The following SNX29 variants were observed in gnomAD, a reference collection of about 807,000 sequenced individuals.
SNX29 encodes the protein sorting nexin 29, also known as sorting nexin-29.
A neutral mutation model predicts 102.1 loss-of-function variants in SNX29; 78 were observed. That is an observed-to-expected ratio of 0.76 (90% CI 0.64 to 0.92). The LOEUF is 0.92. Ranked by LOEUF, SNX29 falls within the 40% of genes least tolerant of loss-of-function variation. The pLI, the probability that SNX29 is intolerant of heterozygous loss-of-function variation, is 0.00. For synonymous variants in SNX29, 580 were observed against 414.5 expected, an observed-to-expected ratio of 1.40 and a Z score of -4.85; for missense variants, 1,280 against 1,061.7, an observed-to-expected ratio of 1.21 and a Z score of -2.86.
chr16:12,457,956 G>T (rs769633321), intron 18 of SNX29, among the ~76,000 whole-genome samples: 6 of 152,206 alleles, frequency 3.9e-5, no homozygotes, highest in Non-Finnish European at 8.8e-5. Context: ...GGTGCAGAGA[G>T]TGTGCCTATC....
chr16:12,005,735 C>G (rs2056430415), intron 3 of SNX29, among the ~76,000 whole-genome samples: 1 of 152,110 alleles, frequency 6.6e-6, no homozygotes, highest in African/African-American at 2.4e-5. Flanking sequence ...CTCCAAAATT[C>G]AAAACTTTTT....
At chr16:12,392,277 T>C (rs1331618262) in intron 16 of SNX29, among the ~76,000 whole-genome samples, 1 of 152,240 alleles carries the variant, frequency 6.6e-6, no homozygotes, top group Non-Finnish European at 1.5e-5. Flanking sequence ...GTTTCCAGGC[T>C]TTTATTACCC....
intron 14 of SNX29, among the ~76,000 whole-genome samples, chr16:12,276,817 A>T (rs1381426730): frequency 6.6e-6 from 1 of 152,158 alleles, no homozygotes; most frequent in East Asian, 1.9e-4. Flanking sequence ...ATGGGCATAT[A>T]CATAATCATG....
intron 3 of SNX29, among the ~76,000 whole-genome samples, chr16:12,009,525 G>A (rs1161063091): frequency 6.6e-6 from 1 of 151,942 alleles, no homozygotes; most frequent in Non-Finnish European, 1.5e-5. Context: ...CGGACACCGT[G>A]AGATGCTGCC....
At chr16:12,450,843 A>T (rs541758162) in intron 18 of SNX29, among the ~76,000 whole-genome samples, 21 of 152,130 alleles carry the variant, frequency 1.4e-4, no homozygotes, top group Non-Finnish European at 2.8e-4. Context: ...CCTGGCAAGT[A>T]CAGCTGATGA....
intron 1 of SNX29, among the ~76,000 whole-genome samples, chr16:11,996,076 GAGTT>G (rs1018095450): frequency 1.0e-4 from 15 of 150,248 alleles, no homozygotes; most frequent in Non-Finnish European, 1.3e-4. Flanking sequence ...AAAAAAAAAA[GAGTT>G]AGGCCCCATC....
At chr16:12,262,256 C>T (rs563082772) in intron 14 of SNX29, among the ~76,000 whole-genome samples, 1 of 152,318 alleles carries the variant, frequency 6.6e-6, no homozygotes, top group Non-Finnish European at 1.5e-5. Context: ...GAAATTGACT[C>T]AAAGTCTTCC....
chr16:12,460,536 C>T (rs1288071737), intron 18 of SNX29, among the ~76,000 whole-genome samples: 1 of 152,174 alleles, frequency 6.6e-6, no homozygotes, highest in Non-Finnish European at 1.5e-5. Context: ...ATCACCTCCT[C>T]CAGGAAACTG....
rs542877588 is a variant in SNX29, at chr16:12,571,593, A to G, written c.*2964A>G. The G allele has an allele frequency of 4.1e-5, 43 of 1,056,680 alleles. No individual in the cohort carries two copies. In the African/African-American group the frequency reaches 7.1e-4, roughly 17 times the overall value. 65.5% of individuals were successfully genotyped at this position (1,056,680 alleles called of 1,614,324 possible). A position where few individuals can be genotyped will look rare whatever the true frequency, so the allele number is the denominator to read the frequency against. On this transcript the variant is annotated 3_prime_UTR_variant, in exon 21 of 21. Coordinates refer to ENST00000566228, the MANE Select transcript of SNX29 (RefSeq NM_032167.5). ...CTGTCTTCATGGCCTGCTGTGCTGA[A>G]ACAGAACAGCAGGTTCCATCTTTCA...
At chr16:12,218,540 C>T (rs2077386394) in intron 14 of SNX29, among the ~76,000 whole-genome samples, 1 of 152,146 alleles carries the variant, frequency 6.6e-6, no homozygotes, top group Admixed American at 6.5e-5. Flanking sequence ...CCTGCAAACC[C>T]CAAAATATTT....
At chr16:12,171,982 G>C (rs1394493952) in intron 13 of SNX29, among the ~76,000 whole-genome samples, 1 of 152,176 alleles carries the variant, frequency 6.6e-6, no homozygotes. Context: ...AGAATTCTGA[G>C]ATTGCCAGCA....
intron 14 of SNX29, among the ~76,000 whole-genome samples, chr16:12,212,891 A>G (rs1317076466): frequency 1.3e-5 from 2 of 152,198 alleles, no homozygotes; most frequent in Non-Finnish European, 2.9e-5. Context: ...AGGTGGTTGA[A>G]TCACCTGCGG....
chr16:12,261,712 G>C (rs868211916), intron 14 of SNX29, among the ~76,000 whole-genome samples: 1 of 116,000 alleles, frequency 8.6e-6, no homozygotes, highest in South Asian at 3.2e-4. Flanking sequence ...GGGTCTGTGC[G>C]TGCGTCCCCG....
chr16:12,354,348 TCC>T (rs2082072361), intron 15 of SNX29, among the ~76,000 whole-genome samples: 1 of 152,196 alleles, frequency 6.6e-6, no homozygotes, highest in South Asian at 2.1e-4. Context: ...TCCTTTTCAT[TCC>T]CTAGTGAAAT....
intron 13 of SNX29, among the ~76,000 whole-genome samples, chr16:12,132,341 C>T (rs999933673): frequency 3.9e-5 from 6 of 152,126 alleles, no homozygotes; most frequent in Non-Finnish European, 7.4e-5. Context: ...CTCAGGTGAT[C>T]CTCCTGCCTC....
At chr16:12,029,558 G>A (rs891975058) in intron 4 of SNX29, 6 of 452,808 alleles carry the variant, frequency 1.3e-5, no homozygotes, top group African/African-American at 4.0e-5. Context: ...CGTTATTGGC[G>A]TTTGATGCAT....
intron 15 of SNX29, among the ~76,000 whole-genome samples, chr16:12,282,083 C>CATAA (rs2079450348): frequency 1.6e-5 from 1 of 62,050 alleles, no homozygotes; most frequent in Non-Finnish European, 2.9e-5. Context: ...GACTCCATCT[C>CATAA]AAAAAAAAAA....
At chr16:12,432,111 CAG>C (rs972079254) in intron 18 of SNX29, among the ~76,000 whole-genome samples, 2 of 152,178 alleles carry the variant, frequency 1.3e-5, no homozygotes, top group Non-Finnish European at 2.9e-5. Flanking sequence ...GACGAGGACA[CAG>C]GGGTGGAGGC....
intron 16 of SNX29, among the ~76,000 whole-genome samples, chr16:12,362,562 A>ACCCCCCCCCCCCC (rs796459458): frequency 1.0e-4 from 2 of 19,984 alleles, no homozygotes; most frequent in Non-Finnish European, 1.8e-4. Flanking sequence ...CTCCCCCCCC[A>ACCCCCCCCCCCCC]CCCCCCCCCC....
Sources: allele counts gnomAD v4.1 joint callset (sites outside exome capture counted in the v4.1 genomes callset), GRCh38; gene constraint gnomAD v4.1.1; transcripts MANE v1.5; gene names NCBI Gene and HGNC (gene_info 2026-07-23, HGNC 2026-07-21).